Variants in BRD10 observed in about 807,000 individuals in gnomAD.
The protein encoded by BRD10 is uncharacterized bromodomain-containing protein 10.
chr9:5,958,632 A>G, the BRD10 span, among the ~76,000 whole-genome samples: 1 of 152,230 alleles, frequency 6.6e-6, no homozygotes, highest in African/African-American at 2.4e-5. Context: ...AGGGAGGGAT[A>G]GGAGGAAGAA....
chr9:5,919,455 C>G, the BRD10 span: 1 of 428,968 alleles, frequency 2.3e-6, no homozygotes, highest in Non-Finnish European at 4.1e-6. Flanking sequence ...CCTTGAAACC[C>G]TCCTCAGAAC....
At chr9:5,964,066 C>A in the BRD10 span, among the ~76,000 whole-genome samples, 14 of 152,028 alleles carry the variant, frequency 9.2e-5, no homozygotes, top group African/African-American at 2.2e-4. Flanking sequence ...GGATCTAATT[C>A]AACTAAAGAG....
At chr9:5,942,815 T>C in the BRD10 span, among the ~76,000 whole-genome samples, 2 of 152,178 alleles carry the variant, frequency 1.3e-5, no homozygotes, top group South Asian at 4.1e-4. Context: ...CCTAGGGTAA[T>C]CTAAAATTTT....
the BRD10 span, chr9:6,007,994 A>AG: frequency 5.5e-6 from 7 of 1,274,608 alleles, no homozygotes; most frequent in East Asian, 3.3e-5. Flanking sequence ...GCGCGCGAGG[A>AG]GGGGGGAGAG....
At chr9:5,930,369 T>TTTTATATATATACATATATATA in the BRD10 span, among the ~76,000 whole-genome samples, 61 of 135,530 alleles carry the variant, frequency 4.5e-4, no homozygotes, top group African/African-American at 1.5e-3. Context: ...TATAAGGAGA[T>TTTTATATATATACATATATATA]TATATATATA....
chr9:5,983,681 G>A, the BRD10 span, among the ~76,000 whole-genome samples: 16 of 152,054 alleles, frequency 1.1e-4, no homozygotes, highest in African/African-American at 3.1e-4. Flanking sequence ...AGAGAAGACT[G>A]AAAGTCTATG....
chr9:5,912,687 C>T, the BRD10 span, among the ~76,000 whole-genome samples: 4 of 152,124 alleles, frequency 2.6e-5, no homozygotes, highest in Admixed American at 2.6e-4. Flanking sequence ...GAAACCTGAA[C>T]TCAGGAAAAT....
the BRD10 span, among the ~76,000 whole-genome samples, chr9:5,883,021 C>A: frequency 6.6e-6 from 1 of 151,844 alleles, no homozygotes; most frequent in South Asian, 2.1e-4. Context: ...GAGTGGGGGG[C>A]TGGGGGAGGG....
At chr9:5,989,226 C>G in the BRD10 span, among the ~76,000 whole-genome samples, 1 of 97,774 alleles carries the variant, frequency 1.0e-5, no homozygotes. Context: ...GAGAGAAACT[C>G]TGTCTCATTA....
the BRD10 span, among the ~76,000 whole-genome samples, chr9:5,885,125 C>G: frequency 6.6e-6 from 1 of 152,188 alleles, no homozygotes; most frequent in Non-Finnish European, 1.5e-5. Flanking sequence ...AGCCATGCCT[C>G]GATTCTATTC....
At chr9:5,924,881 A>G in the BRD10 span, 1 of 1,330,318 alleles carries the variant, frequency 7.5e-7, no homozygotes, top group South Asian at 2.3e-5. Flanking sequence ...AATAATACAT[A>G]TGATTTAAAT....
the BRD10 span, among the ~76,000 whole-genome samples, chr9:5,941,647 A>C: frequency 2.4e-4 from 37 of 152,330 alleles, no homozygotes; most frequent in African/African-American, 8.2e-4. Flanking sequence ...GTTGCTTTGC[A>C]AGAATGAGTA....
At chr9:5,920,232 G>T in the BRD10 span, 3 of 1,613,792 alleles carry the variant, frequency 1.9e-6, no homozygotes, top group African/African-American at 4.0e-5. Flanking sequence ...AGAACTAAGG[G>T]GGCTCCATAT....
the BRD10 span, among the ~76,000 whole-genome samples, chr9:5,912,613 T>C: frequency 6.6e-6 from 1 of 152,212 alleles, no homozygotes; most frequent in Admixed American, 6.5e-5. Context: ...AGAGGAGCCT[T>C]CAGGAAAGGG....
chr9:5,957,013 T>C, the BRD10 span, among the ~76,000 whole-genome samples: 1 of 152,114 alleles, frequency 6.6e-6, no homozygotes, highest in Non-Finnish European at 1.5e-5. Context: ...TGAGGGTCCA[T>C]TTAAGTCTAC....
the BRD10 span, among the ~76,000 whole-genome samples, chr9:5,985,060 C>T: frequency 1.3e-5 from 2 of 151,822 alleles, no homozygotes; most frequent in Non-Finnish European, 2.9e-5. Context: ...TAAAGATACA[C>T]CTATAGCTAA....
the BRD10 span, among the ~76,000 whole-genome samples, chr9:5,961,601 C>T: frequency 5.3e-5 from 8 of 152,010 alleles, no homozygotes; most frequent in African/African-American, 1.9e-4. Context: ...TTCTAATCGC[C>T]AGGACATATT....
At chr9:5,903,863 C>CTTTTTT in the BRD10 span, among the ~76,000 whole-genome samples, 1 of 147,046 alleles carries the variant, frequency 6.8e-6, no homozygotes, top group Non-Finnish European at 1.5e-5. Context: ...TATGCACTTA[C>CTTTTTT]TTTTTTTTTT....
chr9:5,984,137 T>C, the BRD10 span, among the ~76,000 whole-genome samples: 1 of 152,146 alleles, frequency 6.6e-6, no homozygotes, highest in African/African-American at 2.4e-5. Flanking sequence ...AGAAAAATGA[T>C]ATCAGATGGT....
Sources: gnomAD v4.1 joint callset for allele counts (sites outside exome capture counted in the v4.1 genomes callset) on GRCh38, gnomAD v4.1.1 for gene constraint, MANE v1.5 for transcripts, NCBI Gene and HGNC (gene_info 2026-07-23, HGNC 2026-07-21) for gene names.